The following SORCS3 variants were observed in gnomAD, a reference collection of about 807,000 sequenced individuals.
SORCS3 encodes sortilin related VPS10 domain containing receptor 3, also known as VPS10 domain-containing receptor SorCS3.
A neutral mutation model predicts 146.3 loss-of-function variants in SORCS3; 57 were observed. That is an observed-to-expected ratio of 0.39 (90% CI 0.31 to 0.49). SORCS3 has a LOEUF of 0.49. SORCS3 is among the 20% of genes least tolerant of loss of function. SORCS3 has a pLI of 0.92. For missense variants in SORCS3, 1,341 were observed against 1,575.5 expected (o/e 0.85, Z 2.52); for synonymous variants, 653 against 618.5 (o/e 1.06, Z -0.83).
chr10:104,975,435 T>C lies in SORCS3; in HGVS notation c.796-1900T>C, dbSNP rs2054889524. On this transcript the variant is annotated intron_variant, in intron 3 of 26. Transcript: ENST00000369701. ...AGGATACAAAGAAATGGAAGAACAT[T>C]CCATGCTCATGGGTAGGAAGAATCA... 3.3e-5 allele frequency among the ~76,000 whole-genome samples: 5 copies of C among 152,202 alleles called. No individual in the cohort carries two copies. In the South Asian group the frequency reaches 1.0e-3, roughly 32 times the overall value.
chr10:104,976,145 T>A (rs1264466249), intron 3 of SORCS3, among the ~76,000 whole-genome samples: 2 of 152,054 alleles, frequency 1.3e-5, no homozygotes, highest in East Asian at 3.9e-4. Context: ...GGGAGAAAAT[T>A]TTCGCATCCT....
chr10:104,773,483 A>C (rs892642326), intron 1 of SORCS3, among the ~76,000 whole-genome samples: 7 of 152,214 alleles, frequency 4.6e-5, no homozygotes, highest in African/African-American at 1.4e-4. Flanking sequence ...GAAATTGGTA[A>C]ATGCTATAAA....
intron 6 of SORCS3, among the ~76,000 whole-genome samples, chr10:105,096,783 C>T (rs2055749714): frequency 6.6e-6 from 1 of 152,026 alleles, no homozygotes; most frequent in African/African-American, 2.4e-5. Flanking sequence ...TTATTGAGTC[C>T]TTGAAATGTG....
intron 14 of SORCS3, among the ~76,000 whole-genome samples, chr10:105,191,813 C>T (rs2056518773): frequency 6.6e-6 from 1 of 152,156 alleles, no homozygotes; most frequent in Non-Finnish European, 1.5e-5. Context: ...CCACAGCTGA[C>T]CTGACAGGAG....
chr10:104,667,352 T>C (rs1261830587), intron 1 of SORCS3, among the ~76,000 whole-genome samples: 1 of 152,192 alleles, frequency 6.6e-6, no homozygotes, highest in Non-Finnish European at 1.5e-5. Context: ...TCCCTTCTCC[T>C]GAGATCTTCC....
chr10:104,919,431 C>G (rs779429453), intron 3 of SORCS3, among the ~76,000 whole-genome samples: 1 of 152,012 alleles, frequency 6.6e-6, no homozygotes, highest in Non-Finnish European at 1.5e-5. Context: ...TGGCTCATGC[C>G]TGTAATCCCA....
intron 1 of SORCS3, among the ~76,000 whole-genome samples, chr10:104,798,642 C>G (rs937286364): frequency 5.3e-5 from 8 of 152,176 alleles, no homozygotes; most frequent in Admixed American, 3.9e-4. Context: ...TAAGTATCCA[C>G]TCACCATATA....
At chr10:104,813,144 A>G (rs911477599) in intron 1 of SORCS3, among the ~76,000 whole-genome samples, 3 of 152,118 alleles carry the variant, frequency 2.0e-5, no homozygotes, top group African/African-American at 7.2e-5. Context: ...TTGGTCTCTT[A>G]AATGTGCCAA....
At chr10:104,951,951 C>T (rs1416177813) in intron 3 of SORCS3, among the ~76,000 whole-genome samples, 2 of 151,842 alleles carry the variant, frequency 1.3e-5, no homozygotes, top group African/African-American at 4.8e-5. Context: ...AGTGAACCCA[C>T]CAATAGATAC....
At chr10:105,019,527 T>G (rs79240523) in intron 4 of SORCS3, among the ~76,000 whole-genome samples, 287 of 152,298 alleles carry the variant, frequency 1.9e-3, no homozygotes, top group African/African-American at 6.7e-3. Context: ...GCTAATATAT[T>G]TCCATGATCA....
chr10:104,728,869 C>T (rs1219268151), intron 1 of SORCS3, among the ~76,000 whole-genome samples: 1 of 152,122 alleles, frequency 6.6e-6, no homozygotes, highest in African/African-American at 2.4e-5. Flanking sequence ...ATAATGAATA[C>T]AAATGACCAG....
intron 17 of SORCS3, among the ~76,000 whole-genome samples, chr10:105,212,504 T>C (rs1229074445): frequency 1.3e-5 from 2 of 152,180 alleles, no homozygotes; most frequent in South Asian, 4.1e-4. Flanking sequence ...AACAGAATTA[T>C]AAAAGAATTG....
Position 104,641,386 on chromosome 10 carries a change from C to T in SORCS3, c.59C>T (p.Thr20Met), listed in dbSNP as rs2015412405. 2 of 1,440,558 alleles carry T rather than the reference C, an allele frequency of 1.4e-6. No homozygotes were observed. Among genetic ancestry groups the T allele is most frequent in the South Asian group, 2.7e-5 (2 of 73,086 alleles). 89.2% of individuals were successfully genotyped at this position (1,440,558 alleles called of 1,614,324 possible). ...AGRPGAPLVR[T>M]GLLLLSTWVL... ...AGGCCGGGGGCGCCGCTTGTCCGGACGGGGCTCCTACTCTTGTCGACGTGG... is the reference window on the plus strand; with the variant it reads ...AGGCCGGGGGCGCCGCTTGTCCGGATGGGGCTCCTACTCTTGTCGACGTGG... Residue 20 changes from threonine (T) to methionine (M), a missense_variant, in exon 1 of 27, where the codon ACG becomes ATG. By Grantham distance (81) the Thr-to-Met change is moderately conservative. Coordinates refer to ENST00000369701, the MANE Select transcript of SORCS3 (RefSeq NM_014978.3). This position sits in a 1 kb window ranked among gnomAD's most constrained non-coding sequence, Gnocchi z 6.4.
intron 5 of SORCS3, among the ~76,000 whole-genome samples, chr10:105,062,480 C>G (rs937896940): frequency 9.9e-5 from 15 of 152,202 alleles, no homozygotes; most frequent in Admixed American, 9.2e-4. Context: ...GGGTTCAAAG[C>G]CCATGTTGTC....
At chr10:105,216,604 C>A (rs756178952) in intron 18 of SORCS3, among the ~76,000 whole-genome samples, 11 of 152,102 alleles carry the variant, frequency 7.2e-5, no homozygotes, top group African/African-American at 1.2e-4. Flanking sequence ...TATTATGACA[C>A]AAAAGGAGAA....
intron 7 of SORCS3, among the ~76,000 whole-genome samples, chr10:105,119,174 G>A (rs1006892067): frequency 5.9e-5 from 9 of 152,314 alleles, no homozygotes; most frequent in Admixed American, 3.9e-4. Flanking sequence ...AGGGACCAAT[G>A]TACAGCTCAG....
At position 105,242,582 on chromosome 10, in the gene SORCS3, A is replaced by G. The variant is rs1184108400; in HGVS notation, c.2869-2960A>G. On this transcript the variant is annotated intron_variant, in intron 20 of 26. Coordinates refer to ENST00000369701, the MANE Select transcript of SORCS3 (RefSeq NM_014978.3). ...CATTTATATATATTTATATATTTAT[A>G]TATATTTATATATGTTTATATACAT... 3.8e-5 allele frequency among the ~76,000 whole-genome samples: 4 copies of G among 105,982 alleles called. No individual in the cohort carries two copies. In the Admixed American group the frequency reaches 4.1e-4, roughly 11 times the overall value. 69.5% of individuals were successfully genotyped at this position (105,982 alleles called of 152,430 possible). A position where few individuals can be genotyped will look rare whatever the true frequency, so the allele number is the denominator to read the frequency against.
At chr10:104,656,924 A>G (rs767050924) in intron 1 of SORCS3, among the ~76,000 whole-genome samples, 4 of 152,162 alleles carry the variant, frequency 2.6e-5, no homozygotes, top group African/African-American at 4.8e-5. Flanking sequence ...ATTAGCTCCA[A>G]TTGTTCACTT....
At chr10:105,071,260 G>C (rs962475249) in intron 5 of SORCS3, among the ~76,000 whole-genome samples, 1 of 152,202 alleles carries the variant, frequency 6.6e-6, no homozygotes, top group Non-Finnish European at 1.5e-5. Context: ...TGAATGAAAG[G>C]CTGTCACTAC....
Sources: gnomAD v4.1 joint callset for allele counts (sites outside exome capture counted in the v4.1 genomes callset) on GRCh38, gnomAD v4.1.1 for gene constraint, Gnocchi (gnomAD v3.1) non-coding constraint, MANE v1.5 for transcripts, NCBI Gene and HGNC (gene_info 2026-07-23, HGNC 2026-07-21) for gene names.